Variants in NOS1 observed in about 807,000 individuals in gnomAD.
NOS1 encodes nitric oxide synthase 1.
NOS1 carries 51 observed loss-of-function variants against 164.5 expected under a neutral mutation model. That is an observed-to-expected ratio of 0.31 (90% CI 0.25 to 0.39). The LOEUF is 0.39. Among genes scored for constraint, NOS1 ranks in the 10% least tolerant of loss-of-function variants. The probability of loss-of-function intolerance (pLI) is 1.00; values close to 1 mark genes in which losing one functional copy is unlikely to be tolerated. For synonymous variants in NOS1, 719 were observed against 745.8 expected (o/e 0.96, Z 0.59); for missense variants, 1,362 against 1,885.6 (o/e 0.72, Z 5.14).
rs984978237 is a variant in NOS1 at position 117,356,679 on chromosome 12, T to C, written c.-421+4833A>G. Among the ~76,000 whole-genome samples the C allele has an allele frequency of 1.3e-5, 2 of 152,210 alleles. No individual in the cohort carries two copies. The highest frequency in any genetic ancestry group is 4.8e-5 in the African/African-American group (2 of 41,448). ...GCCGAACAGCCCACGATAACTGCTG[T>C]TCATCCTTAGCATCATACGACTGTG... On this transcript the variant is annotated intron_variant, in intron 1 of 28. Coordinates refer to ENST00000317775, the MANE Select transcript of NOS1 (RefSeq NM_000620.5). This position sits in a 1 kb window ranked among gnomAD's most constrained non-coding sequence, Gnocchi z 4.2.
chr12:117,315,200 A>C (rs768284160), intron 2 of NOS1, among the ~76,000 whole-genome samples: 8 of 151,930 alleles, frequency 5.3e-5, no homozygotes, highest in Non-Finnish European at 1.0e-4. Context: ...TGAGCACATA[A>C]AATTTTTATT....
intron 3 of NOS1, among the ~76,000 whole-genome samples, chr12:117,295,533 G>A (rs374620494): frequency 3.6e-4 from 55 of 151,436 alleles, no homozygotes; most frequent in African/African-American, 1.3e-3. Flanking sequence ...GATGCCTGAT[G>A]TAAAGGGTTG....
chr12:117,307,945 G>A (rs1214330557), intron 3 of NOS1, among the ~76,000 whole-genome samples: 1 of 150,918 alleles, frequency 6.6e-6, no homozygotes, highest in Non-Finnish European at 1.5e-5. Context: ...AACCCAGGAG[G>A]CGGAGGTTGC....
At chr12:117,335,587 T>C (rs527336348) in intron 1 of NOS1, among the ~76,000 whole-genome samples, 1 of 152,136 alleles carries the variant, frequency 6.6e-6, no homozygotes, top group East Asian at 1.9e-4. Context: ...CTTGGCCAAG[T>C]CCCTCTCCAC....
Position 117,214,111 on chromosome 12 carries a change from T to C in NOS1, c.*1198A>G. 1.0e-6 allele frequency: 1 copy of C among 985,452 alleles called. No individual in the cohort carries two copies. The highest frequency in any genetic ancestry group is 4.7e-5 in the South Asian group (1 of 21,282). The allele number at this position is 985,452 out of a possible 1,614,324, so 61.0% of individuals were successfully genotyped here. A position where few individuals can be genotyped will look rare whatever the true frequency, so the allele number is the denominator to read the frequency against. On this transcript the variant is annotated 3_prime_UTR_variant, in exon 29 of 29. Transcript: ENST00000317775. ...GAAGAAGCCACGTGGGACCTCATTA[T>C]GGCAACTCTTTCCAACCTCATCCAC...
chr12:117,347,427 A>T (rs1295687705), intron 1 of NOS1, among the ~76,000 whole-genome samples: 1 of 152,208 alleles, frequency 6.6e-6, no homozygotes, highest in African/African-American at 2.4e-5. Flanking sequence ...GCACACTCCA[A>T]ACAGCTGGAG....
chr12:117,318,513 C>G (rs763178603), intron 2 of NOS1, among the ~76,000 whole-genome samples: 1 of 152,208 alleles, frequency 6.6e-6, no homozygotes, highest in Admixed American at 6.5e-5. Context: ...TGATCATACC[C>G]AAGCCAAAAG....
At chr12:117,249,527 C>T (rs1870920593) in intron 17 of NOS1, among the ~76,000 whole-genome samples, 1 of 151,938 alleles carries the variant, frequency 6.6e-6, no homozygotes, top group Admixed American at 6.6e-5. Context: ...TATAATGGTC[C>T]TCAGGGACTT....
intron 3 of NOS1, among the ~76,000 whole-genome samples, chr12:117,294,437 C>A (rs1003057971): frequency 6.6e-6 from 1 of 152,158 alleles, no homozygotes; most frequent in African/African-American, 2.4e-5. Flanking sequence ...ATTGGCTGCC[C>A]GAGTGCGAGC....
chr12:117,248,080 G>A (rs1046836849), intron 17 of NOS1, among the ~76,000 whole-genome samples: 2 of 151,838 alleles, frequency 1.3e-5, no homozygotes, highest in African/African-American at 2.4e-5. Flanking sequence ...GCAAGAAGGT[G>A]GCTATCTGCA....
chr12:117,215,105 A>G lies in NOS1; in HGVS notation c.*204T>C, dbSNP rs1956584266. ...AAGAGCCACTGCAGATTAGAAAAGC[A>G]TTGCATCGCAGCAGGAAAACTCAAG... is the stretch of plus-strand genomic sequence containing the variant. On this transcript the variant is annotated 3_prime_UTR_variant, in exon 29 of 29. Coordinates refer to ENST00000317775, the MANE Select transcript of NOS1 (RefSeq NM_000620.5). 2 of 1,268,552 alleles carry G rather than the reference A, an allele frequency of 1.6e-6. No homozygotes were observed. Among genetic ancestry groups the G allele is most frequent in the Non-Finnish European group, 2.0e-6 (2 of 1,001,016 alleles). 78.6% of individuals were successfully genotyped at this position (1,268,552 alleles called of 1,614,324 possible).
chr12:117,256,061 C>G (rs372039282), intron 16 of NOS1: 2 of 1,270,852 alleles, frequency 1.6e-6, no homozygotes, highest in Non-Finnish European at 2.1e-6. Context: ...TCGATGGTGC[C>G]CTATCTCTCC....
chr12:117,284,184 G>C (rs145427318), intron 7 of NOS1, among the ~76,000 whole-genome samples: 4 of 152,302 alleles, frequency 2.6e-5, no homozygotes, highest in Non-Finnish European at 5.9e-5. Flanking sequence ...TGAAGCCCGG[G>C]CGCTTGTGGG....
Position 117,222,855 on chromosome 12 carries a change from G to A in NOS1, c.3835C>T (p.Pro1279Ser). Reference sequence around the variant, plus strand: ...CCGAAGACCAGGACCATGGGGCAGGGGTTCATTCCTGGGGACCAGGAAGAC... The same window carrying A: ...CCGAAGACCAGGACCATGGGGCAGGAGTTCATTCCTGGGGACCAGGAAGAC... ...QFDIQHKGMNPCPMVLVFGCR... is the reference protein window; with the variant it reads ...QFDIQHKGMNSCPMVLVFGCR... The change falls in exon 26 of 29, where the codon CCC (proline) becomes TCC (serine). Residue 1279 changes from proline (P) to serine (S), a missense_variant. Around this residue, in one of 4 missense-constraint regions of NOS1, gnomAD observed 737 missense variants for 1,030.3 expected, o/e 0.72. Coordinates refer to ENST00000317775, the MANE Select transcript of NOS1 (RefSeq NM_000620.5). The A allele has an allele frequency of 6.2e-7, 1 of 1,613,438 alleles. No individual in the cohort carries two copies. The highest frequency in any genetic ancestry group is 1.1e-5 in the South Asian group (1 of 90,966).
chr12:117,334,003 C>G lies in NOS1; in HGVS notation c.-420-2514G>C, dbSNP rs537870224. Among the ~76,000 whole-genome samples, 4 of 152,350 alleles carry G rather than the reference C, an allele frequency of 2.6e-5. No individual in the cohort carries two copies. In the South Asian group the frequency reaches 8.3e-4, roughly 32 times the overall value. On this transcript the variant is annotated intron_variant, in intron 1 of 28. Transcript: ENST00000317775. ...ATGAAAGAAGCAACTGAAAGGCGAC[C>G]TCTTGGGGAGGCAAGGCCCCCAAGC...
At chr12:117,291,826 G>A (rs1480756399) in intron 3 of NOS1, among the ~76,000 whole-genome samples, 1 of 152,018 alleles carries the variant, frequency 6.6e-6, no homozygotes, top group Non-Finnish European at 1.5e-5. Flanking sequence ...GTGAGTCATC[G>A]TGCCTGGCCT....
In NOS1 at chr12:117,214,833, TCACACA is replaced by T. The variant is rs60470377; in HGVS notation, c.*470_*475del. The T allele has an allele frequency of 7.8e-5, 75 of 966,492 alleles. No homozygotes were observed. The highest frequency in any genetic ancestry group is 5.3e-4 in the Middle Eastern group (1 of 1,876). The allele number at this position is 966,492 out of a possible 1,614,324, so 59.9% of individuals were successfully genotyped here. ...AGAGGACGGACAGAGACCTGGCCCA[TCACACA>T]CACACACACACACACACACACACAC... On this transcript the variant is annotated 3_prime_UTR_variant, in exon 29 of 29. Coordinates refer to ENST00000317775, the MANE Select transcript of NOS1 (RefSeq NM_000620.5).
chr12:117,281,223 T>C (rs1312839506), intron 7 of NOS1, among the ~76,000 whole-genome samples: 2 of 152,182 alleles, frequency 1.3e-5, no homozygotes, highest in African/African-American at 2.4e-5. Context: ...CTTGTTTCCC[T>C]TTAAGAATGC....
chr12:117,242,789 G>A (rs1252909744), intron 19 of NOS1, 84 bp from the exon 20 acceptor site: 23 of 1,245,392 alleles, frequency 1.8e-5, no homozygotes, highest in Non-Finnish European at 2.5e-5. Context: ...CGTGGCTCAC[G>A]CCCATAATCC....
Sources: gnomAD v4.1 joint callset for allele counts (sites outside exome capture counted in the v4.1 genomes callset) on GRCh38, gnomAD v4.1.1 for gene constraint, gnomAD v4.1.1 regional missense constraint, Gnocchi (gnomAD v3.1) non-coding constraint, MANE v1.5 for transcripts, NCBI Gene and HGNC (gene_info 2026-07-23, HGNC 2026-07-21) for gene names.